The following APBA1 variants were observed in gnomAD, a reference collection of about 807,000 sequenced individuals.
The protein encoded by APBA1 is amyloid beta precursor protein binding family A member 1, also known as amyloid-beta A4 precursor protein-binding family A member 1.
Under a neutral mutation model 86.6 loss-of-function variants are expected in APBA1, and 55 were observed. The observed-to-expected ratio is 0.64, with a 90% confidence interval of 0.51 to 0.80. APBA1 has a LOEUF of 0.80. Ranked by LOEUF, APBA1 falls within the 30% of genes least tolerant of loss-of-function variation. The probability of loss-of-function intolerance (pLI) is 0.00; values close to 1 mark genes in which losing one functional copy is unlikely to be tolerated. For synonymous variants in APBA1, 511 were observed against 493.9 expected, an observed-to-expected ratio of 1.03 and a Z score of -0.46; for missense variants, 1,090 against 1,183.0, an observed-to-expected ratio of 0.92 and a Z score of 1.15.
chr9:69,432,439 C>A, intron 12 of APBA1, 97 bp downstream of exon 12: 2 of 1,265,520 alleles, frequency 1.6e-6, no homozygotes, highest in Non-Finnish European at 2.1e-6. Flanking sequence ...ACTCAGGGAG[C>A]TTTCCTGGAA....
At chr9:69,634,616 T>C (rs1035200839) in intron 1 of APBA1, among the ~76,000 whole-genome samples, 5 of 151,976 alleles carry the variant, frequency 3.3e-5, no homozygotes, top group African/African-American at 1.2e-4. Flanking sequence ...TATTCAAGTA[T>C]AAGAAGGTAA....
chr9:69,458,208 CAG>C lies in APBA1; in HGVS notation c.1483-22_1483-21del, dbSNP rs566503290. ...GGCCATCTGCTTAGCATGGAACAAA[CAG>C]AGACAGGAGAATAGTTAGAAAGAAT... On this transcript the variant is annotated intron_variant, in intron 5 of 12. Coordinates refer to ENST00000265381, the MANE Select transcript of APBA1 (RefSeq NM_001163.4). 2.1e-4 allele frequency: 332 copies of C among 1,603,282 alleles called. 1 individual carries two copies. The Middle Eastern group carries it at 3.0e-3, about 14-fold the overall frequency.
intron 1 of APBA1, among the ~76,000 whole-genome samples, chr9:69,568,758 G>A (rs903722214): frequency 1.3e-5 from 2 of 152,266 alleles, no homozygotes; most frequent in African/African-American, 4.8e-5. Flanking sequence ...AGTGTTCTAC[G>A]CCTGGGTCCT....
intron 2 of APBA1, among the ~76,000 whole-genome samples, chr9:69,489,854 G>C (rs555592129): frequency 2.6e-5 from 4 of 152,116 alleles, no homozygotes; most frequent in Non-Finnish European, 5.9e-5. Flanking sequence ...TGGAGAAATA[G>C]GAACACTTTT....
At chr9:69,658,338 C>CTT (rs1823678965) in intron 1 of APBA1, among the ~76,000 whole-genome samples, 1 of 140,150 alleles carries the variant, frequency 7.1e-6, no homozygotes, top group Non-Finnish European at 1.6e-5. Context: ...TTCTTTCTTT[C>CTT]TTTCTTTCTT....
At chr9:69,465,018 T>G (rs377693713) in intron 5 of APBA1, 2 of 152,204 alleles carry the variant, frequency 1.3e-5, no homozygotes, top group African/African-American at 4.8e-5. Context: ...CAGTACTCCT[T>G]TGGGGGCAGA....
intron 1 of APBA1, among the ~76,000 whole-genome samples, chr9:69,636,168 G>C (rs1823154020): frequency 1.3e-5 from 2 of 152,198 alleles, no homozygotes; most frequent in African/African-American, 4.8e-5. Flanking sequence ...CTGATTATCA[G>C]ATAAATGTAA....
intron 1 of APBA1, among the ~76,000 whole-genome samples, chr9:69,572,760 C>A (rs1393271197): frequency 6.6e-6 from 1 of 152,216 alleles, no homozygotes; most frequent in Non-Finnish European, 1.5e-5. Flanking sequence ...GAGCTGTGAT[C>A]TCCATCCTGA....
chr9:69,644,241 G>A (rs574978521), intron 1 of APBA1, among the ~76,000 whole-genome samples: 26 of 152,134 alleles, frequency 1.7e-4, no homozygotes, highest in Non-Finnish European at 3.2e-4. Context: ...CTTAGTATCA[G>A]GTACAGAATA....
intron 10 of APBA1, among the ~76,000 whole-genome samples, 155 bp from the exon 11 acceptor site, chr9:69,441,270 A>C (rs139759144): frequency 1.3e-5 from 2 of 152,332 alleles, no homozygotes; most frequent in East Asian, 3.9e-4. Context: ...GGGCTGGTAC[A>C]GTCACTGCTC....
At chr9:69,493,147 C>T (rs1011139003) in intron 2 of APBA1, among the ~76,000 whole-genome samples, 3 of 152,018 alleles carry the variant, frequency 2.0e-5, no homozygotes, top group Non-Finnish European at 4.4e-5. Flanking sequence ...TTAACAAGCC[C>T]CGAACAAGTC....
chr9:69,491,500 T>C (rs984962403), intron 2 of APBA1, among the ~76,000 whole-genome samples: 2 of 151,782 alleles, frequency 1.3e-5, no homozygotes, highest in African/African-American at 4.8e-5. Context: ...AGATACCTAA[T>C]GTAAATGATG....
intron 2 of APBA1, among the ~76,000 whole-genome samples, chr9:69,511,238 C>T (rs1342506106): frequency 6.6e-6 from 1 of 152,204 alleles, no homozygotes; most frequent in African/African-American, 2.4e-5. Flanking sequence ...AAAAACCAAA[C>T]AACCCCATCA....
At position 69,643,863 on chromosome 9, in the gene APBA1, C is replaced by T. The variant is rs1468783373; in HGVS notation, c.-70+28290G>A. 3.3e-5 allele frequency among the ~76,000 whole-genome samples: 5 copies of T among 152,344 alleles called. No homozygotes were observed. The East Asian group carries it at 9.7e-4, about 29-fold the overall frequency. On this transcript the variant is annotated intron_variant, in intron 1 of 12. Coordinates refer to ENST00000265381, the MANE Select transcript of APBA1 (RefSeq NM_001163.4). ...TGATCCCTGACTGCCATCCTTAATA[C>T]CATTGTAGTACCCACTGTCTCTCAG...
intron 1 of APBA1, among the ~76,000 whole-genome samples, chr9:69,627,882 G>A (rs1822964996): frequency 6.6e-6 from 1 of 152,160 alleles, no homozygotes; most frequent in Non-Finnish European, 1.5e-5. Context: ...ACAGGCACTG[G>A]TGGGGGAATG....
chr9:69,569,763 G>C (rs1837085903), intron 1 of APBA1, among the ~76,000 whole-genome samples: 1 of 151,622 alleles, frequency 6.6e-6, no homozygotes, highest in Non-Finnish European at 1.5e-5. Flanking sequence ...GCTTAAAATG[G>C]AAAAAAATTT....
chr9:69,505,030 C>T lies in APBA1; in HGVS notation c.1200+10981G>A, dbSNP rs900923572. 2.0e-5 allele frequency among the ~76,000 whole-genome samples: 3 copies of T among 152,200 alleles called. No homozygotes were observed. In the South Asian group the frequency reaches 6.2e-4, roughly 32 times the overall value. ...TTTGTTGGGGGGCGTCTACCGCACA[C>T]ATCCTCACAAACACTTGGCAGAAGA... On this transcript the variant is annotated intron_variant, in intron 2 of 12. Transcript: ENST00000265381.
chr9:69,661,984 CT>C (rs1398875343), intron 1 of APBA1, among the ~76,000 whole-genome samples: 1 of 151,606 alleles, frequency 6.6e-6, no homozygotes, highest in Non-Finnish European at 1.5e-5. Context: ...CTCAGGTACT[CT>C]GTTATAGCAA....
At chr9:69,449,867 C>T (rs1229892658) in intron 9 of APBA1, 71 bp from the exon 10 acceptor site, 11 of 1,377,044 alleles carry the variant, frequency 8.0e-6, no homozygotes, top group African/African-American at 2.9e-5. Flanking sequence ...GAAAGCCTCT[C>T]CCCCATTCCT....
Sources: gnomAD v4.1 joint callset for allele counts (sites outside exome capture counted in the v4.1 genomes callset) on GRCh38, gnomAD v4.1.1 for gene constraint, MANE v1.5 for transcripts, NCBI Gene and HGNC (gene_info 2026-07-23, HGNC 2026-07-21) for gene names.